Variants in MAT1A observed in about 807,000 individuals in gnomAD.
MAT1A encodes S-adenosylmethionine synthase isoform type-1.
In MAT1A, 19 loss-of-function variants were observed where a neutral mutation model predicts 44.0. The observed-to-expected ratio is 0.43, with a 90% CI of 0.30 to 0.63. The LOEUF (loss-of-function observed/expected upper bound fraction) is 0.63. Ranked by LOEUF, MAT1A falls within the 30% of genes least tolerant of loss-of-function variation. The pLI is 0.12. For missense variants in MAT1A, 397 were observed against 531.0 expected, an observed-to-expected ratio of 0.75 and a Z score of 2.48; for synonymous variants, 205 against 205.6, an observed-to-expected ratio of 1.00 and a Z score of 0.03.
At chr10:80,281,691 C>T (rs1841569856) in intron 3 of MAT1A, among the ~76,000 whole-genome samples, 2 of 152,208 alleles carry the variant, frequency 1.3e-5, no homozygotes. Flanking sequence ...CCTGAAAGGG[C>T]TTACAGAGAA....
intron 6 of MAT1A, 175 bp from the exon 7 acceptor site, chr10:80,275,374 TC>T (rs1841472995): frequency 4.6e-6 from 3 of 653,132 alleles, no homozygotes; most frequent in Admixed American, 2.4e-5. Context: ...CCCAGCTCAG[TC>T]ACTGACAACA....
rs890646273 is a variant in MAT1A at position 80,284,056 on chromosome 10, G to C, written c.170-18C>G. On this transcript the variant is annotated intron_variant, in intron 2 of 8. Coordinates refer to ENST00000372213, the MANE Select transcript of MAT1A (RefSeq NM_000429.3). Reference sequence around the variant, plus strand: ...CACTGTCTCTGAAAGGGAGCGGGGAGCGAGGAGAGTTAGCAGCCAAGTGCC... The same window carrying C: ...CACTGTCTCTGAAAGGGAGCGGGGACCGAGGAGAGTTAGCAGCCAAGTGCC... 6.2e-7 allele frequency: 1 copy of C among 1,613,348 alleles called. No homozygotes were observed. Among genetic ancestry groups the C allele is most frequent in the African/African-American group, 1.3e-5 (1 of 74,926 alleles).
At chr10:80,279,024 G>A (rs1323132083) in intron 5 of MAT1A, among the ~76,000 whole-genome samples, 1 of 152,232 alleles carries the variant, frequency 6.6e-6, no homozygotes, top group East Asian at 1.9e-4. Context: ...GCAGGCAGAG[G>A]CAGGTAAAGT....
rs1483730289 is a variant in MAT1A at position 80,280,205 on chromosome 10, G to A, written c.517C>T (p.Leu173Phe). The change falls in exon 5 of 9, where the codon CTC becomes TTC. Residue 173 changes from leucine (L) to phenylalanine (F), a missense_variant. Physicochemically the swap from Leu to Phe is conservative, Grantham distance 22. Transcript: ENST00000372213. ...RMADLRRSGLLPWLRPDSKTQ... is the reference protein window; with the variant it reads ...RMADLRRSGLFPWLRPDSKTQ... ...TTAGAGTCAGGCCGCAGCCAGGGGA[G>A]GAGGCCGGAGCGCCTGAGGTCTGCC... is the stretch of plus-strand genomic sequence containing the variant. 6.2e-7 allele frequency: 1 copy of A among 1,614,116 alleles called. No individual in the cohort carries two copies. Among genetic ancestry groups the A allele is most frequent in the East Asian group, 2.2e-5 (1 of 44,862 alleles).
At chr10:80,285,185 C>T (rs1841632449) in intron 2 of MAT1A, among the ~76,000 whole-genome samples, 1 of 152,156 alleles carries the variant, frequency 6.6e-6, no homozygotes, top group Admixed American at 6.5e-5. Flanking sequence ...GGAAGATTCA[C>T]CTAAGAACTT....
At chr10:80,287,927 C>T (rs1294299445) in intron 1 of MAT1A, among the ~76,000 whole-genome samples, 1 of 152,188 alleles carries the variant, frequency 6.6e-6, no homozygotes, top group East Asian at 1.9e-4. Context: ...GGATGCTTAG[C>T]AGTGTGCCTG....
chr10:80,275,105 G>C lies in MAT1A; in HGVS notation c.863C>G (p.Thr288Ser), dbSNP rs879631691. The change falls in exon 7 of 9, where the codon ACC becomes AGC. Residue 288 changes from threonine (T) to serine (S), a missense_variant. Transcript: ENST00000372213. ...ATATGCAGCTGAGCGGTCTACCTTG[G>C]TGTAGTCCTTCCCAGAGAAGGCCCC... ...GGGAFSGKDY[T>S]KVDRSAAYAA... is the part of the protein sequence containing the mutation. 21 of 1,608,256 alleles carry C rather than the reference G, an allele frequency of 1.3e-5. No individual in the cohort carries two copies. Among genetic ancestry groups the C allele is most frequent in the Non-Finnish European group, 1.7e-5 (20 of 1,177,570 alleles).
At chr10:80,277,945 C>A (rs1205549677) in intron 5 of MAT1A, among the ~76,000 whole-genome samples, 1 of 152,256 alleles carries the variant, frequency 6.6e-6, no homozygotes, top group African/African-American at 2.4e-5. Flanking sequence ...GGTGGAAAGA[C>A]CCATCCTGCT....
rs368562839 is a variant in MAT1A, at chr10:80,276,642, G to A, written c.550-48C>T. The A allele has an allele frequency of 5.0e-5, 79 of 1,581,936 alleles. No homozygotes were observed. In the African/African-American group the frequency reaches 8.3e-4, roughly 17 times the overall value. On this transcript the variant is annotated intron_variant, in intron 5 of 8. Coordinates refer to ENST00000372213, the MANE Select transcript of MAT1A (RefSeq NM_000429.3). ...AGATACTGTGAGGCTGAGGCTGAGC[G>A]AACGGCACATCGTGGCCAGACACAG...
intron 4 of MAT1A, 106 bp downstream of exon 4, chr10:80,280,574 G>A: frequency 8.9e-7 from 1 of 1,120,158 alleles, no homozygotes. Flanking sequence ...CTCGCTCCTG[G>A]CTATCGTGCT....
At chr10:80,281,822 A>G (rs1237541734) in intron 3 of MAT1A, among the ~76,000 whole-genome samples, 1 of 152,182 alleles carries the variant, frequency 6.6e-6, no homozygotes, top group Non-Finnish European at 1.5e-5. Flanking sequence ...TTGAGCCAAC[A>G]TGAACTCAAG....
At chr10:80,287,014 T>C (rs1276953223) in intron 1 of MAT1A, among the ~76,000 whole-genome samples, 1 of 152,224 alleles carries the variant, frequency 6.6e-6, no homozygotes, top group African/African-American at 2.4e-5. Flanking sequence ...TCTGAGCCCT[T>C]AGCCTCTACA....
At chr10:80,284,180 C>T (rs943613320) in intron 2 of MAT1A, 142 bp from the exon 3 acceptor site, 47 of 1,110,828 alleles carry the variant, frequency 4.2e-5, no homozygotes, top group East Asian at 7.7e-5. Flanking sequence ...AAAATAGAAA[C>T]GCCAATAAAA....
rs1454369481 is a variant in MAT1A at position 80,273,295 on chromosome 10, T to C, written c.*486A>G. 1 of 243,902 alleles carries C rather than the reference T, an allele frequency of 4.1e-6. No homozygotes were observed. Among genetic ancestry groups the C allele is most frequent in the Non-Finnish European group, 8.1e-6 (1 of 123,434 alleles). The allele number at this position is 243,902 out of a possible 1,614,324, so 15.1% of individuals were successfully genotyped here. The stretch of plus-strand genomic sequence containing the variant: ...GAGACATCAGTCCTGCTCTAACCCC[T>C]GCCACATGCCTGGCCTGGGTGGGGC... On this transcript the variant is annotated 3_prime_UTR_variant, in exon 9 of 9. Transcript: ENST00000372213.
chr10:80,272,167 C>T lies in MAT1A; in HGVS notation c.*1614G>A, dbSNP rs1201725281. 1 of 134,148 alleles carries T rather than the reference C, an allele frequency of 7.5e-6. No individual in the cohort carries two copies. Among genetic ancestry groups the T allele is most frequent in the Admixed American group, 7.8e-5 (1 of 12,880 alleles). The allele number at this position is 134,148 out of a possible 1,614,324, so 8.3% of individuals were successfully genotyped here. On this transcript the variant is annotated 3_prime_UTR_variant, in exon 9 of 9. Transcript: ENST00000372213. ...GCTGCCTGCTCCCCAGATGAGACTT[C>T]CTGGGCTGCCTCTCCCAGCACCATG...
At chr10:80,283,482 C>G (rs1841596250) in intron 3 of MAT1A, among the ~76,000 whole-genome samples, 1 of 152,230 alleles carries the variant, frequency 6.6e-6, no homozygotes, top group South Asian at 2.1e-4. Flanking sequence ...GGCTGCTTAC[C>G]CTGTGATCTC....
intron 6 of MAT1A, among the ~76,000 whole-genome samples, chr10:80,276,055 A>G: frequency 6.6e-6 from 1 of 152,220 alleles, no homozygotes; most frequent in East Asian, 1.9e-4. Flanking sequence ...GGGAATGTGC[A>G]CCAGAGCAGG....
rs538805281 is a variant in MAT1A at position 80,289,593 on chromosome 10, C to A, written c.-170G>T. ...CTGCCTGTGAGCACGTGAGAACAGG[C>A]GAGGACTGCTGAGAAGGGAGGGAGT... On this transcript the variant is annotated 5_prime_UTR_variant, in exon 1 of 9. Coordinates refer to ENST00000372213, the MANE Select transcript of MAT1A (RefSeq NM_000429.3). 8 of 671,618 alleles carry A rather than the reference C, an allele frequency of 1.2e-5. No individual in the cohort carries two copies. The highest frequency in any genetic ancestry group is 8.3e-5 in the East Asian group (3 of 36,054). 41.6% of individuals were successfully genotyped at this position (671,618 alleles called of 1,614,324 possible).
chr10:80,287,557 C>T (rs1466867343), intron 1 of MAT1A, among the ~76,000 whole-genome samples: 3 of 152,282 alleles, frequency 2.0e-5, no homozygotes, highest in East Asian at 1.9e-4. Context: ...TTGGCTGGCA[C>T]GTTCATTCTC....
Sources: gnomAD v4.1 joint callset for allele counts (sites outside exome capture counted in the v4.1 genomes callset) on GRCh38, gnomAD v4.1.1 for gene constraint, MANE v1.5 for transcripts, NCBI Gene and HGNC (gene_info 2026-07-23, HGNC 2026-07-21) for gene names.